PTPRG: variants seen among roughly 807,000 people sequenced by gnomAD.
PTPRG encodes the protein receptor-type tyrosine-protein phosphatase gamma.
PTPRG carries 102 observed loss-of-function variants against 165.3 expected under a neutral mutation model. The observed-to-expected ratio is 0.62, with a 90% CI of 0.53 to 0.73. The LOEUF is 0.73. Among genes scored for constraint, PTPRG ranks in the 30% least tolerant of loss-of-function variants. The probability of loss-of-function intolerance (pLI) is 0.00; values close to 1 mark genes in which losing one functional copy is unlikely to be tolerated. For missense variants in PTPRG, 1,866 were observed against 1,861.4 expected (o/e 1.00, Z -0.05); for synonymous variants, 675 against 669.5 (o/e 1.01, Z -0.13).
intron 26 of PTPRG, among the ~76,000 whole-genome samples, chr3:62,280,277 G>C (rs1233787667): frequency 6.6e-6 from 1 of 151,756 alleles, no homozygotes. Flanking sequence ...TAATTTATGG[G>C]CCCCCTCCCC....
Position 62,203,415 on chromosome 3 carries a change from G to A in PTPRG, c.1620G>A (p.Thr540=), listed in dbSNP as rs574774597. ...PSTVWPTRLP[T]AASASKQAAR... Reference sequence around the variant, plus strand: ...CTGTGTGGCCCACGCGCCTCCCGACGGCCGCCTCAGCCAGCAAGCAGGCGG... The same window carrying A: ...CTGTGTGGCCCACGCGCCTCCCGACAGCCGCCTCAGCCAGCAAGCAGGCGG... The change falls in exon 12 of 30, where the codon ACG becomes ACA. Residue 540 remains threonine (T), a synonymous_variant. Transcript: ENST00000474889. This position sits in a 1 kb window ranked among gnomAD's most constrained non-coding sequence, Gnocchi z 6.4. 6.8e-6 allele frequency: 11 copies of A among 1,609,794 alleles called. No homozygotes were observed. The African/African-American group carries it at 1.1e-4, about 16-fold the overall frequency.
intron 2 of PTPRG, among the ~76,000 whole-genome samples, chr3:61,864,276 AG>A (rs2037347929): frequency 6.6e-6 from 1 of 152,144 alleles, no homozygotes; most frequent in Non-Finnish European, 1.5e-5. Flanking sequence ...TTATTTACCC[AG>A]GATTTCTATA....
chr3:61,562,440 G>A (rs898525042), intron 1 of PTPRG, 68 bp downstream of exon 1: 1 of 1,508,282 alleles, frequency 6.6e-7, no homozygotes, highest in Non-Finnish European at 9.2e-7. Context: ...GTTGTCGCCT[G>A]GGCGCGGAGC....
intron 2 of PTPRG, among the ~76,000 whole-genome samples, chr3:61,798,544 A>G (rs978467782): frequency 1.3e-5 from 2 of 151,668 alleles, no homozygotes; most frequent in African/African-American, 4.9e-5. Context: ...ATTTTTTCAC[A>G]GTCACTTTGC....
chr3:61,940,686 CAG>C (rs1412229366), intron 2 of PTPRG, among the ~76,000 whole-genome samples: 12 of 145,320 alleles, frequency 8.3e-5, no homozygotes, highest in Non-Finnish European at 1.8e-4. Context: ...ATTTTTTTGA[CAG>C]AGTCTCGCTC....
intron 2 of PTPRG, among the ~76,000 whole-genome samples, chr3:61,962,490 T>A (rs1219747356): frequency 1.3e-5 from 2 of 152,208 alleles, no homozygotes; most frequent in Non-Finnish European, 2.9e-5. Flanking sequence ...GAGAGTTAAG[T>A]GTGGCGTGTA....
intron 2 of PTPRG, among the ~76,000 whole-genome samples, chr3:61,787,092 T>A (rs1321087321): frequency 1.3e-5 from 2 of 152,020 alleles, no homozygotes; most frequent in East Asian, 3.8e-4. Flanking sequence ...CAAAGCTGAA[T>A]CCTTTGTGTG....
chr3:61,582,593 CTG>C (rs1397517155), intron 1 of PTPRG, among the ~76,000 whole-genome samples: 1 of 152,104 alleles, frequency 6.6e-6, no homozygotes, highest in Non-Finnish European at 1.5e-5. Flanking sequence ...ACCATGTATT[CTG>C]TGTTTGTTGG....
Position 61,573,952 on chromosome 3 carries a change from G to A in PTPRG, c.85+11580G>A, listed in dbSNP as rs78608352. 7.1e-3 allele frequency among the ~76,000 whole-genome samples: 1,081 copies of A among 152,154 alleles called. 16 individuals carry two copies. The highest frequency in any genetic ancestry group is 0.025 in the African/African-American group (1,021 of 41,508). ...TGCTAAGGTATCTGTTGCTGAGAAC[G>A]GGATTCCATTCTAATTAGAGGACAA... On this transcript the variant is annotated intron_variant, in intron 1 of 29. Coordinates refer to ENST00000474889, the MANE Select transcript of PTPRG (RefSeq NM_002841.4).
chr3:61,854,585 G>A (rs1453082737), intron 2 of PTPRG, among the ~76,000 whole-genome samples: 1 of 152,164 alleles, frequency 6.6e-6, no homozygotes, highest in East Asian at 1.9e-4. Context: ...TAGGGAAACT[G>A]TACTGGTGCA....
intron 2 of PTPRG, among the ~76,000 whole-genome samples, chr3:61,887,151 TATATATATATATA>T (rs2038067973): frequency 3.4e-5 from 2 of 59,290 alleles, no homozygotes; most frequent in South Asian, 5.6e-4. Flanking sequence ...TATATATATA[TATATATATATATA>T]TATATATTTT....
At chr3:62,156,800 G>A (rs1188007804) in intron 6 of PTPRG, among the ~76,000 whole-genome samples, 2 of 152,068 alleles carry the variant, frequency 1.3e-5, no homozygotes, top group African/African-American at 4.8e-5. Context: ...GAAGGGAGAG[G>A]GACTTTAATG....
chr3:61,566,434 A>C (rs971622723), intron 1 of PTPRG, among the ~76,000 whole-genome samples: 4 of 152,236 alleles, frequency 2.6e-5, no homozygotes, highest in Non-Finnish European at 5.9e-5. Context: ...CATTCACGTG[A>C]GATCACTTAA....
chr3:61,573,441 C>G (rs1407958197), intron 1 of PTPRG, among the ~76,000 whole-genome samples: 3 of 152,096 alleles, frequency 2.0e-5, no homozygotes, highest in Non-Finnish European at 4.4e-5. Context: ...ATTTTTACAA[C>G]AACAACATGC....
intron 2 of PTPRG, chr3:61,753,601 T>TTTTTTTTTG (rs774438510): frequency 1.1e-4 from 50 of 441,386 alleles, no homozygotes; most frequent in Non-Finnish European, 1.8e-4. Context: ...TTTTTTTTTT[T>TTTTTTTTTG]GGAGATTGGA....
intron 10 of PTPRG, among the ~76,000 whole-genome samples, chr3:62,197,596 A>G (rs1307348301): frequency 3.3e-5 from 5 of 152,124 alleles, no homozygotes; most frequent in Admixed American, 6.5e-5. Context: ...GGGAGAAGGA[A>G]GGAAGGCAGA....
chr3:61,904,656 A>G (rs2038595552), intron 2 of PTPRG, among the ~76,000 whole-genome samples: 1 of 152,126 alleles, frequency 6.6e-6, no homozygotes, highest in Non-Finnish European at 1.5e-5. Flanking sequence ...CTACATTTAA[A>G]TTGTTACTCA....
intron 9 of PTPRG, among the ~76,000 whole-genome samples, chr3:62,193,244 TAGATACCG>T (rs1203911149): frequency 3.3e-5 from 5 of 152,316 alleles, no homozygotes; most frequent in Non-Finnish European, 2.9e-5. Context: ...CAAAGATGAA[TAGATACCG>T]TCTTGGAGTG....
intron 4 of PTPRG, among the ~76,000 whole-genome samples, chr3:62,057,148 A>C (rs1050438113): frequency 1.3e-5 from 2 of 152,194 alleles, no homozygotes; most frequent in Non-Finnish European, 2.9e-5. Context: ...AGGTATTTGC[A>C]ATTGAGATCA....
Sources: gnomAD v4.1 joint callset for allele counts (sites outside exome capture counted in the v4.1 genomes callset) on GRCh38, gnomAD v4.1.1 for gene constraint, Gnocchi (gnomAD v3.1) non-coding constraint, MANE v1.5 for transcripts, NCBI Gene and HGNC (gene_info 2026-07-23, HGNC 2026-07-21) for gene names.